The following PLD1 variants were observed in gnomAD, a reference collection of about 807,000 sequenced individuals.
PLD1 encodes choline phosphatase 1.
Under a neutral mutation model 137.1 loss-of-function variants are expected in PLD1, and 112 were observed. The ratio of observed to expected loss-of-function variants is 0.82; its 90% CI spans 0.70 to 0.96. PLD1 has a LOEUF of 0.96. Ranked by LOEUF, PLD1 falls within the 40% of genes least tolerant of loss-of-function variation. PLD1 has a pLI of 0.00. For missense variants in PLD1, 1,321 were observed against 1,342.0 expected (o/e 0.98, Z 0.24); for synonymous variants, 431 against 454.7 (o/e 0.95, Z 0.66).
At chr3:171,769,091 G>A (rs371411929) in intron 1 of PLD1, among the ~76,000 whole-genome samples, 4 of 151,846 alleles carry the variant, frequency 2.6e-5, no homozygotes, top group East Asian at 1.9e-4. Context: ...TTTCTCCCAC[G>A]TTTGGAGGAA....
chr3:171,785,442 T>C (rs1226963057), intron 1 of PLD1, among the ~76,000 whole-genome samples: 2 of 5,942 alleles, frequency 3.4e-4, no homozygotes, highest in Non-Finnish European at 5.5e-4. Context: ...CAGTGTCTAT[T>C]TTTTTTTTTT....
At chr3:171,754,128 A>C (rs545506474) in intron 1 of PLD1, among the ~76,000 whole-genome samples, 2 of 152,044 alleles carry the variant, frequency 1.3e-5, no homozygotes, top group African/African-American at 4.8e-5. Flanking sequence ...ACTCCTTTCC[A>C]CTTGGTCTCT....
At chr3:171,675,987 CA>C (rs1471529536) in intron 18 of PLD1, among the ~76,000 whole-genome samples, 2 of 151,924 alleles carry the variant, frequency 1.3e-5, no homozygotes, top group African/African-American at 4.8e-5. Flanking sequence ...AGATTACAGG[CA>C]CCCACCACCA....
intron 19 of PLD1, chr3:171,666,348 T>G (rs1165972945): frequency 6.6e-6 from 1 of 152,326 alleles, no homozygotes; most frequent in Admixed American, 6.5e-5. Context: ...GAAGAGGGCA[T>G]GTGCGGGGGA....
At chr3:171,683,324 C>G (rs1714202358) in intron 16 of PLD1, among the ~76,000 whole-genome samples, 2 of 152,178 alleles carry the variant, frequency 1.3e-5, no homozygotes, top group African/African-American at 4.8e-5. Flanking sequence ...ACCCTTCGCT[C>G]AAGACCATCC....
At chr3:171,613,485 G>C (rs1732850220) in intron 24 of PLD1, among the ~76,000 whole-genome samples, 1 of 152,170 alleles carries the variant, frequency 6.6e-6, no homozygotes, top group African/African-American at 2.4e-5. Context: ...TCACATAACT[G>C]TGAATGTCAA....
chr3:171,773,290 T>C (rs1578456177), intron 1 of PLD1, among the ~76,000 whole-genome samples: 3 of 152,314 alleles, frequency 2.0e-5, no homozygotes, highest in East Asian at 1.9e-4. Context: ...GAGCCCAAGC[T>C]GTACTACTAA....
chr3:171,643,780 G>C (rs1026950765), intron 22 of PLD1, among the ~76,000 whole-genome samples: 2 of 151,982 alleles, frequency 1.3e-5, no homozygotes, highest in Non-Finnish European at 2.9e-5. Flanking sequence ...TATTAGAAAT[G>C]TGCAAATCTT....
chr3:171,779,241 C>T (rs1224163464), intron 1 of PLD1, among the ~76,000 whole-genome samples: 3 of 152,046 alleles, frequency 2.0e-5, no homozygotes, highest in Non-Finnish European at 4.4e-5. Flanking sequence ...TGAGAGAAGG[C>T]AGACTACTTA....
At chr3:171,619,468 A>T (rs1256271136) in intron 24 of PLD1, among the ~76,000 whole-genome samples, 1 of 152,162 alleles carries the variant, frequency 6.6e-6, no homozygotes, top group African/African-American at 2.4e-5. Context: ...ATGACTGCAG[A>T]CCTTAGTGCA....
chr3:171,607,085 T>A (rs941929802), intron 25 of PLD1, among the ~76,000 whole-genome samples: 3 of 152,222 alleles, frequency 2.0e-5, no homozygotes, highest in Non-Finnish European at 2.9e-5. Context: ...AAAATTTTTT[T>A]AAAATGGATC....
Position 171,686,833 on chromosome 3 carries a change from C to A in PLD1, c.1754-35G>T, listed in dbSNP as rs939520433. The A allele has an allele frequency of 8.7e-6, 9 of 1,039,972 alleles. No individual in the cohort carries two copies. In the African/African-American group the frequency reaches 1.1e-4, roughly 13 times the overall value. The allele number at this position is 1,039,972 out of a possible 1,614,324, so 64.4% of individuals were successfully genotyped here. On this transcript the variant is annotated intron_variant, in intron 15 of 26. Coordinates refer to ENST00000351298, the MANE Select transcript of PLD1 (RefSeq NM_002662.5). The stretch of plus-strand genomic sequence containing the variant: ...TTAAGAATTTTTTTACAAAAAAATA[C>A]AAATATCAAATTTTCTAAACTGGAA...
At chr3:171,638,663 T>G (rs1735372536) in intron 23 of PLD1, among the ~76,000 whole-genome samples, 1 of 152,200 alleles carries the variant, frequency 6.6e-6, no homozygotes, top group Non-Finnish European at 1.5e-5. Flanking sequence ...TATTGCTCTA[T>G]TTAGAATTTC....
chr3:171,683,614 T>C (rs1227655648), intron 16 of PLD1, among the ~76,000 whole-genome samples: 1 of 152,232 alleles, frequency 6.6e-6, no homozygotes, highest in Admixed American at 6.5e-5. Flanking sequence ...TATTCTCCGA[T>C]GAGCCTTTAC....
intron 19 of PLD1, among the ~76,000 whole-genome samples, chr3:171,669,589 C>T (rs144857804): frequency 1.1e-4 from 16 of 152,220 alleles, no homozygotes; most frequent in South Asian, 2.1e-4. Flanking sequence ...TTTAGTAGGA[C>T]GGGGTTTTGC....
intron 19 of PLD1, among the ~76,000 whole-genome samples, chr3:171,670,614 T>C (rs1712645244): frequency 6.6e-6 from 1 of 152,246 alleles, no homozygotes; most frequent in Non-Finnish European, 1.5e-5. Flanking sequence ...TATAATCTTA[T>C]AATCTTGGAA....
intron 13 of PLD1, 77 bp downstream of exon 13, chr3:171,692,255 T>C: frequency 1.4e-6 from 1 of 720,030 alleles, no homozygotes; most frequent in Non-Finnish European, 2.5e-6. Context: ...AGATTATTAC[T>C]GCCCAGAACA....
intron 1 of PLD1, among the ~76,000 whole-genome samples, chr3:171,786,855 G>T (rs1334811348): frequency 6.6e-6 from 1 of 152,106 alleles, no homozygotes; most frequent in Non-Finnish European, 1.5e-5. Context: ...TATCTCTTAT[G>T]CAAACATTCT....
At chr3:171,699,642 T>C (rs1262183102) in intron 12 of PLD1, 103 bp downstream of exon 12, 3 of 806,352 alleles carry the variant, frequency 3.7e-6, no homozygotes, top group East Asian at 5.0e-5. Context: ...TGTCAAACTC[T>C]AAAGTGAAAA....
Sources: gnomAD v4.1 joint callset for allele counts (sites outside exome capture counted in the v4.1 genomes callset) on GRCh38, gnomAD v4.1.1 for gene constraint, MANE v1.5 for transcripts, NCBI Gene and HGNC (gene_info 2026-07-23, HGNC 2026-07-21) for gene names.